Variants in SNAP25 observed in about 807,000 individuals in gnomAD.
SNAP25 encodes the protein synaptosome associated protein 25, also known as synaptosomal-associated protein 25.
In SNAP25, 3 loss-of-function variants were observed where a neutral mutation model predicts 28.7. The ratio of observed to expected loss-of-function variants is 0.10; its 90% CI spans 0.05 to 0.27. The LOEUF is 0.27. Ranked by LOEUF, SNAP25 falls within the 10% of genes least tolerant of loss-of-function variation. SNAP25 has a pLI of 1.00. For synonymous variants in SNAP25, 61 were observed against 88.1 expected (o/e 0.69, Z 1.72); for missense variants, 117 against 278.7 (o/e 0.42, Z 4.13).
At chr20:10,227,617 T>C (rs1442438515) in intron 1 of SNAP25, among the ~76,000 whole-genome samples, 1 of 152,140 alleles carries the variant, frequency 6.6e-6, no homozygotes, top group Non-Finnish European at 1.5e-5. Flanking sequence ...TTCTAATCTG[T>C]TGTTTTATCA....
chr20:10,220,823 C>T (rs1259747225), intron 1 of SNAP25, among the ~76,000 whole-genome samples: 1 of 152,228 alleles, frequency 6.6e-6, no homozygotes, highest in African/African-American at 2.4e-5. Flanking sequence ...GTCATACCTC[C>T]TATCATCTGT....
intron 1 of SNAP25, chr20:10,231,605 G>A (rs2062830335): frequency 6.6e-6 from 1 of 152,168 alleles, no homozygotes; most frequent in Admixed American, 6.5e-5. Flanking sequence ...TTGGCCTCAA[G>A]TGGTGTCCCA....
chr20:10,293,348 C>A lies in SNAP25; in HGVS notation c.281+70C>A. ...ATCTCCAAGCCTTGACAAGCTCATT[C>A]CTGCCAAGCTCATAGGCAGGATGAG... On this transcript the variant is annotated intron_variant, in intron 5 of 7. Transcript: ENST00000254976. This position sits in a 1 kb window ranked among gnomAD's most constrained non-coding sequence, Gnocchi z 5.6. The A allele has an allele frequency of 8.3e-7, 1 of 1,199,290 alleles. No individual in the cohort carries two copies. The highest frequency in any genetic ancestry group is 1.2e-6 in the Non-Finnish European group (1 of 806,104). The allele number at this position is 1,199,290 out of a possible 1,614,324, so 74.3% of individuals were successfully genotyped here.
chr20:10,249,661 A>C (rs757605615), intron 1 of SNAP25, among the ~76,000 whole-genome samples: 11 of 152,144 alleles, frequency 7.2e-5, no homozygotes, highest in Middle Eastern at 3.2e-3. Context: ...AGACAATAGC[A>C]TCACTGTGCA....
At chr20:10,285,011 G>A (rs1415441789) in intron 4 of SNAP25, among the ~76,000 whole-genome samples, 1 of 151,890 alleles carries the variant, frequency 6.6e-6, no homozygotes, top group East Asian at 1.9e-4. Context: ...TGTTATATAT[G>A]TTGGGGTAAC....
In SNAP25 at chr20:10,306,728, G is replaced by C. The variant is rs1418790790; in HGVS notation, c.*531G>C. ...AAAGTGATGTGATTTATGCATTTAT[G>C]CATGAGAACTAAATAGATTTTTAGA... On this transcript the variant is annotated 3_prime_UTR_variant, in exon 8 of 8. Transcript: ENST00000254976. 1 of 153,262 alleles carries C rather than the reference G, an allele frequency of 6.5e-6. No individual in the cohort carries two copies. The highest frequency in any genetic ancestry group is 1.5e-5 in the Non-Finnish European group (1 of 68,322). 9.5% of individuals were successfully genotyped at this position (153,262 alleles called of 1,614,324 possible).
rs537735429 is a variant in SNAP25 at position 10,265,439 on chromosome 20, A to G, written c.-63-9990A>G. ...ATCAGCACCATCCACAGAGTCTCCA[A>G]TGCACAAAATCCTCAGTCTCTTCTT... is the stretch of plus-strand genomic sequence containing the variant. On this transcript the variant is annotated intron_variant, in intron 1 of 7. Coordinates refer to ENST00000254976, the MANE Select transcript of SNAP25 (RefSeq NM_130811.4). Among the ~76,000 whole-genome samples, 61 of 152,322 alleles carry G rather than the reference A, an allele frequency of 4.0e-4. No individual in the cohort carries two copies. In the South Asian group the frequency reaches 0.012, roughly 31 times the overall value.
chr20:10,227,081 A>C (rs2062746023), intron 1 of SNAP25, among the ~76,000 whole-genome samples: 1 of 152,044 alleles, frequency 6.6e-6, no homozygotes, highest in South Asian at 2.1e-4. Context: ...TCCTCTGAAA[A>C]CTTCCTGTCA....
chr20:10,301,567 A>G (rs1490507335), intron 7 of SNAP25, among the ~76,000 whole-genome samples: 1 of 152,116 alleles, frequency 6.6e-6, no homozygotes, highest in Admixed American at 6.6e-5. Flanking sequence ...AGTATGTGGA[A>G]GTTTCCTGCA....
intron 1 of SNAP25, among the ~76,000 whole-genome samples, chr20:10,227,390 C>T (rs1486199211): frequency 6.6e-6 from 1 of 152,058 alleles, no homozygotes; most frequent in Non-Finnish European, 1.5e-5. Context: ...AATAAGTGAG[C>T]GAATGGGGAT....
intron 3 of SNAP25, among the ~76,000 whole-genome samples, chr20:10,278,524 T>C (rs6108459): frequency 2.3e-4 from 35 of 152,332 alleles, no homozygotes; most frequent in African/African-American, 8.2e-4. Flanking sequence ...GGTTGGACTA[T>C]ACTTATCTTA....
chr20:10,239,087 T>G (rs1240772937), intron 1 of SNAP25, among the ~76,000 whole-genome samples: 1 of 152,122 alleles, frequency 6.6e-6, no homozygotes, highest in Non-Finnish European at 1.5e-5. Context: ...AATGCCCTGG[T>G]ATAGATTAGG....
intron 7 of SNAP25, among the ~76,000 whole-genome samples, chr20:10,303,485 T>C (rs2064288047): frequency 1.3e-5 from 2 of 152,208 alleles, no homozygotes; most frequent in African/African-American, 4.8e-5. Flanking sequence ...TCTAATGTCC[T>C]GAGAATTCAC....
chr20:10,292,410 T>G (rs2064017966), intron 4 of SNAP25, among the ~76,000 whole-genome samples: 16 of 152,230 alleles, frequency 1.1e-4, no homozygotes, highest in Admixed American at 1.0e-3. Flanking sequence ...TTGCTGCTGC[T>G]GCTGTTGTCT....
At chr20:10,267,098 AC>A (rs1282917224) in intron 1 of SNAP25, among the ~76,000 whole-genome samples, 1 of 152,120 alleles carries the variant, frequency 6.6e-6, no homozygotes, top group Admixed American at 6.5e-5. Flanking sequence ...TCACAAAAAA[AC>A]CTCTAATATT....
At chr20:10,260,543 A>T (rs551264080) in intron 1 of SNAP25, among the ~76,000 whole-genome samples, 1 of 152,300 alleles carries the variant, frequency 6.6e-6, no homozygotes, top group East Asian at 1.9e-4. Flanking sequence ...GCAAATTGCT[A>T]GGCCCTACCC....
intron 1 of SNAP25, chr20:10,219,348 A>G (rs1568565074): frequency 6.6e-6 from 1 of 152,160 alleles, no homozygotes; most frequent in South Asian, 2.1e-4. Context: ...TATTATTATG[A>G]CTGTTGTCGT....
chr20:10,286,601 A>G (rs1375467783), intron 4 of SNAP25, among the ~76,000 whole-genome samples: 1 of 152,194 alleles, frequency 6.6e-6, no homozygotes, highest in Non-Finnish European at 1.5e-5. Flanking sequence ...CCTGGCCTCA[A>G]TGTAAACACT....
intron 1 of SNAP25, among the ~76,000 whole-genome samples, chr20:10,271,807 G>A (rs1053261325): frequency 1.3e-5 from 2 of 152,212 alleles, no homozygotes; most frequent in Non-Finnish European, 2.9e-5. Flanking sequence ...GAGTGGGACA[G>A]AGCAATAGCA....
Sources: allele counts gnomAD v4.1 joint callset (sites outside exome capture counted in the v4.1 genomes callset), GRCh38; gene constraint gnomAD v4.1.1; non-coding constraint Gnocchi (gnomAD v3.1); transcripts MANE v1.5; gene names NCBI Gene and HGNC (gene_info 2026-07-23, HGNC 2026-07-21).